Variants in BAZ2B observed in about 807,000 individuals in gnomAD.
BAZ2B encodes the protein bromodomain adjacent to zinc finger domain 2B.
BAZ2B carries 91 observed loss-of-function variants against 246.0 expected under a neutral mutation model. The ratio of observed to expected loss-of-function variants is 0.37; its 90% confidence interval spans 0.31 to 0.44. The LOEUF is 0.44. Among genes scored for constraint, BAZ2B ranks in the 20% least tolerant of loss-of-function variants. The pLI, the probability that BAZ2B is intolerant of heterozygous loss-of-function variation, is 1.00. For synonymous variants in BAZ2B, 855 were observed against 860.0 expected (o/e 0.99, Z 0.10); for missense variants, 2,332 against 2,533.7 (o/e 0.92, Z 1.71).
the BAZ2B span, chr2:159,693,689 T>A: frequency 6.6e-6 from 1 of 152,148 alleles, no homozygotes; most frequent in African/African-American, 2.4e-5. Flanking sequence ...TCTCAAAGTG[T>A]GAGTCATTGC....
chr2:159,487,906 T>G (rs1270756784), intron 2 of BAZ2B, among the ~76,000 whole-genome samples: 1 of 152,030 alleles, frequency 6.6e-6, no homozygotes, highest in Non-Finnish European at 1.5e-5. Flanking sequence ...TTTGGAAAAC[T>G]TATTTGAAAG....
chr2:159,570,848 A>G (rs1029438033), intron 1 of BAZ2B, among the ~76,000 whole-genome samples: 2 of 151,808 alleles, frequency 1.3e-5, no homozygotes, highest in Non-Finnish European at 2.9e-5. Context: ...CCCTATTGTT[A>G]GCATTTTCTT....
At chr2:159,368,507 G>A (rs2149361408) in intron 27 of BAZ2B, among the ~76,000 whole-genome samples, 1 of 152,222 alleles carries the variant, frequency 6.6e-6, no homozygotes, top group Admixed American at 6.5e-5. Context: ...TTAGCACATA[G>A]AATACAGCAG....
intron 2 of BAZ2B, among the ~76,000 whole-genome samples, chr2:159,539,701 C>T (rs144496779): frequency 1.1e-4 from 16 of 152,310 alleles, no homozygotes; most frequent in African/African-American, 3.8e-4. Context: ...CATACTGAGA[C>T]CCTGTCTGTA....
chr2:159,478,730 A>G lies in BAZ2B; in HGVS notation c.-2-9T>C, dbSNP rs2150928017. On this transcript the variant is annotated splice_polypyrimidine_tract_variant and intron_variant, in intron 2 of 36. Transcript: ENST00000392783. ...TTCTCCAGACTCCATATCTATGAGA[A>G]GGGAAAATGTTAATTCTCAGTATCA... is the stretch of plus-strand genomic sequence containing the variant. 1.3e-6 allele frequency: 2 copies of G among 1,498,614 alleles called. No homozygotes were observed. Among genetic ancestry groups the G allele is most frequent in the Non-Finnish European group, 1.8e-6 (2 of 1,124,424 alleles). The allele number at this position is 1,498,614 out of a possible 1,614,324, so 92.8% of individuals were successfully genotyped here.
intron 3 of BAZ2B, among the ~76,000 whole-genome samples, chr2:159,465,971 A>G (rs984533355): frequency 1.3e-5 from 2 of 152,176 alleles, no homozygotes; most frequent in African/African-American, 4.8e-5. Context: ...TACAACATTA[A>G]CACATCAACT....
chr2:159,669,349 T>C, the BAZ2B span, among the ~76,000 whole-genome samples: 1 of 152,340 alleles, frequency 6.6e-6, no homozygotes, highest in East Asian at 1.9e-4. Context: ...TTTGTTTTAT[T>C]GTCTATCACA....
the BAZ2B span, among the ~76,000 whole-genome samples, chr2:159,652,177 A>C: frequency 6.6e-6 from 1 of 151,064 alleles, no homozygotes; most frequent in Admixed American, 6.6e-5. Context: ...AGGGATGCTA[A>C]TTTCTCTCCA....
intron 1 of BAZ2B, among the ~76,000 whole-genome samples, chr2:159,591,286 T>C (rs1689343006): frequency 6.6e-6 from 1 of 152,192 alleles, no homozygotes; most frequent in Non-Finnish European, 1.5e-5. Context: ...TCCAGACTCT[T>C]TTTTTCTGAT....
At chr2:159,486,634 G>GTT (rs2079867757) in intron 2 of BAZ2B, among the ~76,000 whole-genome samples, 1 of 149,644 alleles carries the variant, frequency 6.7e-6, no homozygotes, top group Admixed American at 6.7e-5. Flanking sequence ...CTCACATTAG[G>GTT]TTTGTCTTTT....
intron 2 of BAZ2B, among the ~76,000 whole-genome samples, chr2:159,490,332 A>G (rs1053685026): frequency 2.0e-5 from 3 of 152,200 alleles, no homozygotes; most frequent in Non-Finnish European, 2.9e-5. Context: ...AAAATTTTAT[A>G]ATGCAGAAGT....
At chr2:159,631,955 A>C in the BAZ2B span, among the ~76,000 whole-genome samples, 1 of 152,166 alleles carries the variant, frequency 6.6e-6, no homozygotes, top group Non-Finnish European at 1.5e-5. Flanking sequence ...AAAAAGAAGA[A>C]ATTTAAAGAT....
chr2:159,358,624 T>C (rs1336398716), intron 27 of BAZ2B, among the ~76,000 whole-genome samples: 3 of 152,176 alleles, frequency 2.0e-5, no homozygotes, highest in Non-Finnish European at 4.4e-5. Context: ...AATAGACATC[T>C]ACAGAACTCT....
Position 159,389,459 on chromosome 2 carries a change from T to G in BAZ2B, c.3102A>C (p.Lys1034Asn). 1 of 1,607,166 alleles carries G rather than the reference T, an allele frequency of 6.2e-7. No individual in the cohort carries two copies. Among genetic ancestry groups the G allele is most frequent in the South Asian group, 1.1e-5 (1 of 89,164 alleles). Residue 1034 changes from lysine (K) to asparagine (N), a missense_variant, in exon 21 of 37, where the codon AAA becomes AAC. Physicochemically the swap from Lys to Asn is moderately conservative, Grantham distance 94 (BLOSUM62 0). Coordinates refer to ENST00000392783, the MANE Select transcript of BAZ2B (RefSeq NM_013450.4). ...AEEKERLKQE[K>N]RDEKRLNKER... is the part of the protein sequence containing the mutation. ...CTTTATTTAATCTTTTCTCATCACG[T>G]TTTTCTTGTTTCAACCGCTCTTTTT...
intron 1 of BAZ2B, among the ~76,000 whole-genome samples, chr2:159,609,450 CTAAT>C (rs1479086651): frequency 1.3e-5 from 2 of 152,162 alleles, no homozygotes; most frequent in East Asian, 1.9e-4. Context: ...TTGTTTTAGA[CTAAT>C]TAATCACAAT....
intron 1 of BAZ2B, among the ~76,000 whole-genome samples, chr2:159,579,992 C>T (rs1157024187): frequency 1.3e-5 from 2 of 152,118 alleles, no homozygotes; most frequent in South Asian, 2.1e-4. Flanking sequence ...GGAAGCATTC[C>T]CTTTGAAAAC....
In BAZ2B at chr2:159,412,393, G is replaced by A. The variant is rs757805928; in HGVS notation, c.2619C>T (p.Gly873=). The change falls in exon 14 of 37, where the codon GGC becomes GGT. Residue 873 remains glycine (G), a synonymous_variant. Transcript: ENST00000392783. ...CTGCGTTATCTAGGAATTCAGCATT[G>A]CCAACATTTGGAGGTCGACCTTTCC... is the stretch of plus-strand genomic sequence containing the variant. The part of the protein sequence containing the change: ...RRRKGRPPNV[G]NAEFLDNADA... 8 of 1,614,010 alleles carry A rather than the reference G, an allele frequency of 5.0e-6. No individual in the cohort carries two copies. The East Asian group carries it at 1.3e-4, about 27-fold the overall frequency.
intron 1 of BAZ2B, among the ~76,000 whole-genome samples, chr2:159,557,839 A>T (rs1438754388): frequency 6.6e-6 from 1 of 152,198 alleles, no homozygotes; most frequent in African/African-American, 2.4e-5. Context: ...CTCTTCAAGA[A>T]TTACTATCTA....
chr2:159,446,712 G>T (rs987892293), intron 6 of BAZ2B, 70 bp downstream of exon 6: 2 of 1,376,070 alleles, frequency 1.5e-6, no homozygotes, highest in East Asian at 4.7e-5. Context: ...AGATTCTGTT[G>T]ATTTGACCTT....
Sources: allele counts gnomAD v4.1 joint callset (sites outside exome capture counted in the v4.1 genomes callset), GRCh38; gene constraint gnomAD v4.1.1; transcripts MANE v1.5; gene names NCBI Gene and HGNC (gene_info 2026-07-23, HGNC 2026-07-21).